BRINP3: variants seen among roughly 807,000 people sequenced by gnomAD.
BRINP3 encodes the protein BMP/retinoic acid-inducible neural-specific protein 3.
BRINP3 carries 19 observed loss-of-function variants against 71.0 expected under a neutral mutation model. The observed-to-expected ratio is 0.27, with a 90% CI of 0.19 to 0.39. The LOEUF is 0.39. Among genes scored for constraint, BRINP3 ranks in the 10% least tolerant of loss-of-function variants. The pLI, the probability that BRINP3 is intolerant of heterozygous loss-of-function variation, is 1.00. For synonymous variants in BRINP3, 380 were observed against 337.7 expected, an observed-to-expected ratio of 1.13 and a Z score of -1.37; for missense variants, 959 against 940.8, an observed-to-expected ratio of 1.02 and a Z score of -0.25.
At chr1:190,297,869 TTGAAAAAAAAA>T (rs1429201957) in intron 2 of BRINP3, among the ~76,000 whole-genome samples, 2 of 151,392 alleles carry the variant, frequency 1.3e-5, no homozygotes, top group African/African-American at 4.9e-5. Context: ...TAACAGTAGA[TTGAAAAAAAAA>T]TGAACTGGAA....
At chr1:190,432,445 C>T (rs1414435452) in intron 2 of BRINP3, among the ~76,000 whole-genome samples, 1 of 152,138 alleles carries the variant, frequency 6.6e-6, no homozygotes, top group Admixed American at 6.5e-5. Context: ...CCATATCACA[C>T]AATACAAAAG....
At chr1:190,304,753 T>C (rs922705441) in intron 2 of BRINP3, among the ~76,000 whole-genome samples, 7 of 151,776 alleles carry the variant, frequency 4.6e-5, no homozygotes, top group Non-Finnish European at 2.9e-5. Flanking sequence ...AAGGCAAATA[T>C]AGATAGATAA....
chr1:190,444,846 G>C (rs1260549233), intron 2 of BRINP3, among the ~76,000 whole-genome samples: 1 of 152,066 alleles, frequency 6.6e-6, no homozygotes, highest in Non-Finnish European at 1.5e-5. Flanking sequence ...AAAATAGTAG[G>C]CTTTTTATAT....
At chr1:190,327,875 T>C (rs138686029) in intron 2 of BRINP3, among the ~76,000 whole-genome samples, 6 of 152,234 alleles carry the variant, frequency 3.9e-5, no homozygotes, top group Non-Finnish European at 8.8e-5. Context: ...ACATTTAGCA[T>C]ACTCAAAGAT....
At chr1:190,227,169 G>T (rs1172659933) in intron 5 of BRINP3, among the ~76,000 whole-genome samples, 6 of 151,766 alleles carry the variant, frequency 4.0e-5, no homozygotes, top group Non-Finnish European at 8.8e-5. Flanking sequence ...GAAAAATCTG[G>T]TAATAGCAAA....
intron 2 of BRINP3, among the ~76,000 whole-genome samples, chr1:190,321,499 A>C (rs748310525): frequency 9.3e-4 from 142 of 152,206 alleles, no homozygotes; most frequent in Non-Finnish European, 1.7e-3. Flanking sequence ...TATTTCAAAA[A>C]TTTTTTAAAG....
chr1:190,318,882 T>C (rs904619495), intron 2 of BRINP3, among the ~76,000 whole-genome samples: 1 of 152,128 alleles, frequency 6.6e-6, no homozygotes, highest in Admixed American at 6.6e-5. Context: ...CTGCTTAGTA[T>C]GTAATAACAA....
At chr1:190,133,220 TTC>T (rs1654685701) in intron 7 of BRINP3, among the ~76,000 whole-genome samples, 1 of 152,154 alleles carries the variant, frequency 6.6e-6, no homozygotes, top group Admixed American at 6.6e-5. Context: ...TATACTTGTA[TTC>T]TCTAAGAACT....
rs143865183 is a variant in BRINP3, at chr1:190,470,859, G to A, written c.-51+6589C>T. 1.6e-4 allele frequency among the ~76,000 whole-genome samples: 24 copies of A among 151,210 alleles called. No homozygotes were observed. In the East Asian group the frequency reaches 4.4e-3, roughly 28 times the overall value. ...AATTTTTGGGAAAAGATATTGATTA[G>A]TAAATCATAATTGAGTTATTGCAAT... is the stretch of plus-strand genomic sequence containing the variant. On this transcript the variant is annotated intron_variant, in intron 1 of 7. Transcript: ENST00000367462.
chr1:190,404,465 GTTAT>G (rs1558255874), intron 2 of BRINP3, among the ~76,000 whole-genome samples: 1 of 152,110 alleles, frequency 6.6e-6, no homozygotes, highest in Non-Finnish European at 1.5e-5. Context: ...CTCACGACGT[GTTAT>G]TTATTGTTTA....
intron 2 of BRINP3, chr1:190,342,411 C>T (rs56749204): frequency 6.7e-6 from 1 of 148,166 alleles, no homozygotes. Context: ...TATAAAGATT[C>T]TGAATGTTTT....
At position 190,226,282 on chromosome 1, in the gene BRINP3, C is replaced by A; in HGVS notation, c.761G>T (p.Arg254Leu). Reference sequence around the variant, plus strand: ...GTAGCTCAAAGCTGCTTGTACAAAACGTTCCTGAAGATAGTCTGGGAGAAG... The same window carrying A: ...GTAGCTCAAAGCTGCTTGTACAAAAAGTTCCTGAAGATAGTCTGGGAGAAG... The part of the protein sequence containing the change: ...QVLLPDYLQE[R>L]FVQAALSYIA... Residue 254 changes from arginine (R) to leucine (L), a missense_variant, in exon 6 of 8, where the codon CGT (arginine) becomes CTT (leucine). Transcript: ENST00000367462. The A allele has an allele frequency of 1.2e-6, 2 of 1,608,810 alleles. No individual in the cohort carries two copies. The highest frequency in any genetic ancestry group is 1.7e-6 in the Non-Finnish European group (2 of 1,177,218).
chr1:190,243,342 T>G (rs957928614), intron 4 of BRINP3, among the ~76,000 whole-genome samples: 1 of 152,214 alleles, frequency 6.6e-6, no homozygotes, highest in South Asian at 2.1e-4. Context: ...ATTTTGACTT[T>G]TTTTTTAGAT....
At chr1:190,167,893 T>C (rs1178382004) in intron 6 of BRINP3, among the ~76,000 whole-genome samples, 2 of 152,126 alleles carry the variant, frequency 1.3e-5, no homozygotes, top group Non-Finnish European at 2.9e-5. Flanking sequence ...GGAAAAAGCA[T>C]TAAATGCATG....
At chr1:190,424,726 T>C (rs939370054) in intron 2 of BRINP3, among the ~76,000 whole-genome samples, 1 of 151,718 alleles carries the variant, frequency 6.6e-6, no homozygotes, top group African/African-American at 2.4e-5. Flanking sequence ...GATTAGATCA[T>C]ATAAAAACAA....
chr1:190,409,471 T>C (rs1189222101), intron 2 of BRINP3, among the ~76,000 whole-genome samples: 1 of 152,200 alleles, frequency 6.6e-6, no homozygotes, highest in Admixed American at 6.5e-5. Flanking sequence ...CCCTTCTTTT[T>C]TCTGGACCTT....
At chr1:190,461,194 T>C (rs1014734404) in intron 1 of BRINP3, among the ~76,000 whole-genome samples, 1 of 152,234 alleles carries the variant, frequency 6.6e-6, no homozygotes, top group South Asian at 2.1e-4. Flanking sequence ...ATCTTTCTTA[T>C]GTATATGTGC....
At position 190,265,053 on chromosome 1, in the gene BRINP3, C is replaced by G; in HGVS notation, c.430G>C (p.Glu144Gln). The change falls in exon 4 of 8, where the codon GAG (glutamate) becomes CAG (glutamine). Residue 144 changes from glutamate to glutamine, a missense_variant and splice_region_variant. Transcript: ENST00000367462. ...TCCACAAAAATTGTGAGTGACTCCT[C>G]TCCTGCATTAATAATATTTCAAATT... The part of the protein sequence containing the change: ...HFLLSATLGG[E>Q]ESLTIFVDKR... The G allele has an allele frequency of 6.3e-7, 1 of 1,589,742 alleles. No homozygotes were observed. Among genetic ancestry groups the G allele is most frequent in the Non-Finnish European group, 8.5e-7 (1 of 1,172,720 alleles).
At chr1:190,450,591 G>T (rs979783812) in intron 2 of BRINP3, among the ~76,000 whole-genome samples, 4 of 151,976 alleles carry the variant, frequency 2.6e-5, no homozygotes, top group Non-Finnish European at 4.4e-5. Flanking sequence ...GTAAATACTT[G>T]TCCAATTCTT....
Sources: allele counts gnomAD v4.1 joint callset (sites outside exome capture counted in the v4.1 genomes callset), GRCh38; gene constraint gnomAD v4.1.1; transcripts MANE v1.5; gene names NCBI Gene and HGNC (gene_info 2026-07-23, HGNC 2026-07-21).